EFR3B: variants seen among roughly 807,000 people sequenced by gnomAD.
The protein encoded by EFR3B is EFR3 homolog B, also known as protein EFR3 homolog B.
In EFR3B, 64 loss-of-function variants were observed where a neutral mutation model predicts 104.7. That is an observed-to-expected ratio of 0.61 (90% CI 0.50 to 0.75). EFR3B has a LOEUF of 0.75. Ranked by LOEUF, EFR3B falls within the 30% of genes least tolerant of loss-of-function variation. The probability of loss-of-function intolerance (pLI) is 0.00; values close to 1 mark genes in which losing one functional copy is unlikely to be tolerated. For synonymous variants in EFR3B, 385 were observed against 417.9 expected (o/e 0.92, Z 0.96); for missense variants, 750 against 1,078.5 (o/e 0.70, Z 4.27).
intron 19 of EFR3B, chr2:25,145,870 T>C (rs1239740815): frequency 6.6e-6 from 1 of 151,946 alleles, no homozygotes; most frequent in Non-Finnish European, 1.5e-5. Flanking sequence ...AGTGGTGCAT[T>C]TCTTACAGTT....
intron 3 of EFR3B, among the ~76,000 whole-genome samples, chr2:25,098,293 C>T (rs140314992): frequency 3.3e-5 from 5 of 152,308 alleles, no homozygotes; most frequent in Non-Finnish European, 4.4e-5. Context: ...ATGACTGGCC[C>T]TACTAAAGCT....
intron 1 of EFR3B, among the ~76,000 whole-genome samples, chr2:25,068,818 A>T (rs2149173267): frequency 6.6e-6 from 1 of 150,846 alleles, no homozygotes; most frequent in Admixed American, 6.6e-5. Flanking sequence ...TTTAGTAGCG[A>T]TGGGGTTTCA....
chr2:25,061,288 TTTTTGGTAGAGACGGGG>T (rs1317708903), intron 1 of EFR3B, among the ~76,000 whole-genome samples: 1 of 151,706 alleles, frequency 6.6e-6, no homozygotes, highest in Non-Finnish European at 1.5e-5. Flanking sequence ...TAATTTCTGT[TTTTTGGTAGAGACGGGG>T]TTTCACCATG....
In EFR3B at chr2:25,042,589, G is replaced by A; in HGVS notation, c.7+270G>A. The stretch of plus-strand genomic sequence containing the variant: ...GGGGGGCGGAGGCTCAGGGGAAAGC[G>A]GGTCTCCCGGAGCCGAGCAGACCGG... On this transcript the variant is annotated intron_variant, in intron 1 of 22. Transcript: ENST00000403714. The surrounding 1 kb of genome is among the most constrained non-coding windows in gnomAD (Gnocchi z 5.4). 1 of 1,194,364 alleles carries A rather than the reference G, an allele frequency of 8.4e-7. No homozygotes were observed. The highest frequency in any genetic ancestry group is 1.0e-6 in the Non-Finnish European group (1 of 964,148). 74.0% of individuals were successfully genotyped at this position (1,194,364 alleles called of 1,614,324 possible).
At chr2:25,118,683 A>C (rs1441867199) in intron 4 of EFR3B, among the ~76,000 whole-genome samples, 1 of 125,016 alleles carries the variant, frequency 8.0e-6, no homozygotes, top group African/African-American at 3.0e-5. Context: ...TGATCCCAGG[A>C]GTTTGAGACC....
chr2:25,126,201 C>T (rs1670163278), intron 5 of EFR3B, among the ~76,000 whole-genome samples: 1 of 152,080 alleles, frequency 6.6e-6, no homozygotes, highest in African/African-American at 2.4e-5. Flanking sequence ...TTTTTTGAGA[C>T]AGAGTTTCAC....
chr2:25,077,770 G>A (rs1044463960), intron 1 of EFR3B, among the ~76,000 whole-genome samples: 2 of 152,164 alleles, frequency 1.3e-5, no homozygotes, highest in African/African-American at 4.8e-5. Context: ...GATTCTAAGT[G>A]ATGTTCATTT....
chr2:25,115,545 A>G (rs1669833979), intron 4 of EFR3B, among the ~76,000 whole-genome samples: 1 of 152,240 alleles, frequency 6.6e-6, no homozygotes, highest in African/African-American at 2.4e-5. Flanking sequence ...ATGATGCGTC[A>G]ATAGGTGTCT....
intron 12 of EFR3B, among the ~76,000 whole-genome samples, chr2:25,133,804 C>G (rs531546083): frequency 2.6e-5 from 4 of 152,206 alleles, no homozygotes. Flanking sequence ...TTTGCCAGCA[C>G]GTGTTCTTGG....
intron 5 of EFR3B, among the ~76,000 whole-genome samples, chr2:25,123,816 A>T (rs1469607050): frequency 6.6e-6 from 1 of 152,246 alleles, no homozygotes; most frequent in Non-Finnish European, 1.5e-5. Context: ...GCACACATGC[A>T]CACAGACACA....
chr2:25,076,216 G>T (rs1203504021), intron 1 of EFR3B, among the ~76,000 whole-genome samples: 1 of 152,048 alleles, frequency 6.6e-6, no homozygotes, highest in Non-Finnish European at 1.5e-5. Context: ...TCTTAATAGC[G>T]ATTGGTACTT....
chr2:25,081,819 A>T (rs1264225635), intron 1 of EFR3B: 3 of 328,660 alleles, frequency 9.1e-6, no homozygotes, highest in Non-Finnish European at 1.6e-5. Flanking sequence ...CAAAGGAAAT[A>T]ATGTATCTCA....
chr2:25,066,108 A>G lies in EFR3B; in HGVS notation c.7+23789A>G, dbSNP rs79256128. Among the ~76,000 whole-genome samples the G allele has an allele frequency of 3.9e-3, 595 of 151,832 alleles. 2 individuals carry two copies. The highest frequency in any genetic ancestry group is 0.012 in the South Asian group (56 of 4,784). On this transcript the variant is annotated intron_variant, in intron 1 of 22. Coordinates refer to ENST00000403714, the MANE Select transcript of EFR3B (RefSeq NM_014971.2). ...CTTCACTGCGGGCTGGAGACCAGATATCCCCCCACCTCCCCACGTCACACA... is the reference window on the plus strand; with the variant it reads ...CTTCACTGCGGGCTGGAGACCAGATGTCCCCCCACCTCCCCACGTCACACA...
Position 25,149,706 on chromosome 2 carries a change from G to C in EFR3B, c.2155G>C (p.Glu719Gln), listed in dbSNP as rs1670949176. Residue 719 changes from glutamate (E) to glutamine (Q), a missense_variant, in exon 20 of 23, where the codon GAG becomes CAG. By Grantham distance (29) the Glu-to-Gln change is conservative (BLOSUM62 2). Transcript: ENST00000403714. ...CCTTCTCCTTCAGCGAGTGCCTGCC[G>C]AGGAGATCACCTATGAGACACTGAA... Reference protein sequence around the residue: ...SPEKEERVPAEEITYETLKKA... With the variant: ...SPEKEERVPAQEITYETLKKA... 10 of 1,551,572 alleles carry C rather than the reference G, an allele frequency of 6.4e-6. No homozygotes were observed. The highest frequency in any genetic ancestry group is 8.7e-6 in the Non-Finnish European group (10 of 1,146,880).
chr2:25,112,403 A>G (rs868104927), intron 4 of EFR3B, among the ~76,000 whole-genome samples: 5 of 152,236 alleles, frequency 3.3e-5, no homozygotes, highest in African/African-American at 7.2e-5. Context: ...CCTTAAAACC[A>G]CAGCCAGTTT....
At chr2:25,085,045 A>C (rs774098017) in intron 1 of EFR3B, among the ~76,000 whole-genome samples, 1 of 152,212 alleles carries the variant, frequency 6.6e-6, no homozygotes, top group Non-Finnish European at 1.5e-5. Flanking sequence ...TGCCTGGCTC[A>C]CAAGGAATAA....
intron 6 of EFR3B, among the ~76,000 whole-genome samples, chr2:25,128,824 G>C (rs10170104): frequency 0.2 from 30,851 of 151,412 alleles, 3,805 homozygotes; most frequent in Middle Eastern, 0.28. Context: ...TTAGCTGAGC[G>C]TGGTGGCGGG....
chr2:25,080,283 CTTTTTTTTTTTTTTTTT>C, intron 1 of EFR3B: 5 of 154,472 alleles, frequency 3.2e-5, no homozygotes, highest in Non-Finnish European at 4.5e-5. Context: ...CTCCCCAAAG[CTTTTTTTTTTTTTTTTT>C]TTTTTTTTTT....
chr2:25,113,484 C>A (rs770585742), intron 4 of EFR3B, among the ~76,000 whole-genome samples: 1 of 151,836 alleles, frequency 6.6e-6, no homozygotes. Flanking sequence ...CTGGCTAACA[C>A]GGTGAAACCC....
Sources: allele counts gnomAD v4.1 joint callset (sites outside exome capture counted in the v4.1 genomes callset), GRCh38; gene constraint gnomAD v4.1.1; non-coding constraint Gnocchi (gnomAD v3.1); transcripts MANE v1.5; gene names NCBI Gene and HGNC (gene_info 2026-07-23, HGNC 2026-07-21).